The following LPP variants were observed in gnomAD, a reference collection of about 807,000 sequenced individuals.
LPP encodes LIM domain containing preferred translocation partner in lipoma.
A neutral mutation model predicts 60.4 loss-of-function variants in LPP; 38 were observed. The observed-to-expected ratio is 0.63, with a 90% CI of 0.49 to 0.83. The LOEUF (loss-of-function observed/expected upper bound fraction) is 0.83, where lower values mean the gene tolerates loss of function less well. Among genes scored for constraint, LPP ranks in the 40% least tolerant of loss-of-function variants. The pLI is 0.00. For synonymous variants in LPP, 328 were observed against 290.8 expected (o/e 1.13, Z -1.30); for missense variants, 902 against 783.6 (o/e 1.15, Z -1.80).
intron 2 of LPP, among the ~76,000 whole-genome samples, chr3:188,274,486 G>A (rs1236858849): frequency 6.6e-6 from 1 of 152,146 alleles, no homozygotes; most frequent in Non-Finnish European, 1.5e-5. Flanking sequence ...GAGTGGGATT[G>A]AATTGGATTT....
In LPP at chr3:188,879,039, A is replaced by T. The variant is rs1436309240; in HGVS notation, c.*4560A>T. The T allele has an allele frequency of 1.3e-5, 3 of 228,522 alleles. No homozygotes were observed. Among genetic ancestry groups the T allele is most frequent in the Non-Finnish European group, 2.6e-5 (3 of 115,130 alleles). The allele number at this position is 228,522 out of a possible 1,614,324, so 14.2% of individuals were successfully genotyped here. A position where few individuals can be genotyped will look rare whatever the true frequency, so the allele number is the denominator to read the frequency against. ...ATTGTCTTCATTGTATTTGCTTAAT[A>T]GTGGTCCAGACAAGTTCAAAACTTG... On this transcript the variant is annotated 3_prime_UTR_variant, in exon 12 of 12. Transcript: ENST00000617246.
intron 1 of LPP, among the ~76,000 whole-genome samples, chr3:188,170,478 G>A (rs1721278915): frequency 6.6e-6 from 1 of 151,812 alleles, no homozygotes; most frequent in Non-Finnish European, 1.5e-5. Context: ...TTACAGGTGT[G>A]TCCCACCATG....
intron 2 of LPP, among the ~76,000 whole-genome samples, chr3:188,296,541 C>T (rs1425363841): frequency 6.6e-6 from 1 of 152,160 alleles, no homozygotes; most frequent in Non-Finnish European, 1.5e-5. Flanking sequence ...TTAGCCTCTG[C>T]CTTAGTCACC....
chr3:188,706,903 C>A (rs971973332), intron 7 of LPP, among the ~76,000 whole-genome samples: 12 of 152,162 alleles, frequency 7.9e-5, no homozygotes, highest in African/African-American at 2.7e-4. Flanking sequence ...TAAATAATAG[C>A]ATTTCTGTTT....
chr3:188,441,609 C>CT lies in LPP; in HGVS notation c.193+35325dup, dbSNP rs1004222826. Among the ~76,000 whole-genome samples the CT allele has an allele frequency of 3.1e-3, 173 of 55,650 alleles. 25 individuals carry two copies. Among genetic ancestry groups the CT allele is most frequent in the African/African-American group, 0.011 (142 of 13,336 alleles). 36.5% of individuals were successfully genotyped at this position (55,650 alleles called of 152,430 possible). A position where few individuals can be genotyped will look rare whatever the true frequency, so the allele number is the denominator to read the frequency against. On this transcript the variant is annotated intron_variant, in intron 4 of 11. Coordinates refer to ENST00000617246, the MANE Select transcript of LPP (RefSeq NM_001375462.1). ...ACAGTTTCTTTTTTTCTTTTCTTTT[C>CT]TTTTTTTTTTTTTTTTTTTTTTTTT...
At chr3:188,804,703 A>G (rs554801164) in intron 9 of LPP, among the ~76,000 whole-genome samples, 6 of 152,012 alleles carry the variant, frequency 3.9e-5, no homozygotes, top group Admixed American at 1.3e-4. Flanking sequence ...TTCTTGCCCA[A>G]TTGCCCTGGC....
chr3:188,318,673 T>C (rs1317575492), intron 2 of LPP, among the ~76,000 whole-genome samples: 8 of 152,036 alleles, frequency 5.3e-5, no homozygotes, highest in African/African-American at 1.9e-4. Flanking sequence ...TTTTCGACTT[T>C]GGTTGGCTTG....
chr3:188,848,442 C>G (rs966464093), intron 9 of LPP, among the ~76,000 whole-genome samples: 5 of 152,216 alleles, frequency 3.3e-5, no homozygotes, highest in Non-Finnish European at 5.9e-5. Flanking sequence ...TCATGTCGCA[C>G]TCTTGCTGAT....
At chr3:188,495,367 A>G (rs1288484775) in intron 5 of LPP, among the ~76,000 whole-genome samples, 4 of 151,368 alleles carry the variant, frequency 2.6e-5, no homozygotes, top group Non-Finnish European at 5.9e-5. Flanking sequence ...AATTTGCAAA[A>G]TACATTATAA....
intron 7 of LPP, among the ~76,000 whole-genome samples, chr3:188,665,952 G>A (rs1474029525): frequency 6.6e-6 from 1 of 152,204 alleles, no homozygotes; most frequent in Non-Finnish European, 1.5e-5. Flanking sequence ...GGCAGGATCT[G>A]ATCCATCCTA....
At chr3:188,603,629 T>A (rs1841871178) in intron 6 of LPP, among the ~76,000 whole-genome samples, 1 of 152,162 alleles carries the variant, frequency 6.6e-6, no homozygotes, top group African/African-American at 2.4e-5. Flanking sequence ...TCTATATAAA[T>A]GTTTGCTATT....
intron 7 of LPP, among the ~76,000 whole-genome samples, chr3:188,658,137 G>GTTTATT (rs375100095): frequency 6.8e-6 from 1 of 146,000 alleles, no homozygotes; most frequent in African/African-American, 2.6e-5. Context: ...TTTAGTTTAG[G>GTTTATT]TTAGTTTAGT....
At chr3:188,658,639 G>C (rs1343458246) in intron 7 of LPP, among the ~76,000 whole-genome samples, 4 of 152,090 alleles carry the variant, frequency 2.6e-5, no homozygotes, top group Admixed American at 2.6e-4. Context: ...CATTATCTGT[G>C]GATTAATAAC....
intron 1 of LPP, among the ~76,000 whole-genome samples, chr3:188,186,008 A>C (rs1047537249): frequency 6.6e-6 from 1 of 152,116 alleles, no homozygotes; most frequent in Non-Finnish European, 1.5e-5. Context: ...TGGTGTAGGA[A>C]AGGAGTGTCA....
intron 9 of LPP, among the ~76,000 whole-genome samples, chr3:188,802,761 G>T (rs1007069351): frequency 6.6e-6 from 1 of 151,884 alleles, no homozygotes; most frequent in African/African-American, 2.4e-5. Context: ...TCCAACCTGG[G>T]GAACAAGAGC....
intron 6 of LPP, among the ~76,000 whole-genome samples, chr3:188,532,784 C>T (rs1267978216): frequency 1.3e-5 from 2 of 152,148 alleles, no homozygotes; most frequent in African/African-American, 4.8e-5. Flanking sequence ...GATGATGGCT[C>T]AAAGCAACAG....
At chr3:188,526,818 A>T (rs1158060718) in intron 6 of LPP, among the ~76,000 whole-genome samples, 1 of 152,150 alleles carries the variant, frequency 6.6e-6, no homozygotes, top group Non-Finnish European at 1.5e-5. Flanking sequence ...ATGAGGCAAA[A>T]AAGGTGGATA....
intron 3 of LPP, among the ~76,000 whole-genome samples, chr3:188,397,694 A>T (rs1781290238): frequency 2.0e-5 from 3 of 151,518 alleles, no homozygotes; most frequent in Admixed American, 2.0e-4. Context: ...GCTCACTGCA[A>T]CCTCTGCCTC....
chr3:188,574,366 G>A (rs1003331030), intron 6 of LPP, among the ~76,000 whole-genome samples: 49 of 152,256 alleles, frequency 3.2e-4, no homozygotes, highest in African/African-American at 1.1e-3. Context: ...CAGCGAACAC[G>A]CTATATGCTG....
Sources: gnomAD v4.1 joint callset for allele counts (sites outside exome capture counted in the v4.1 genomes callset) on GRCh38, gnomAD v4.1.1 for gene constraint, MANE v1.5 for transcripts, NCBI Gene and HGNC (gene_info 2026-07-23, HGNC 2026-07-21) for gene names.